The following TARS2 variants were observed in gnomAD, a reference collection of about 807,000 sequenced individuals.
TARS2 encodes threonine--tRNA ligase, mitochondrial.
A neutral mutation model predicts 94.4 loss-of-function variants in TARS2; 61 were observed. The observed-to-expected ratio is 0.65, with a 90% CI of 0.53 to 0.80. The LOEUF is 0.80. TARS2 is among the 30% of genes least tolerant of loss of function. TARS2 has a pLI of 0.00. For synonymous variants in TARS2, 359 were observed against 353.4 expected, an observed-to-expected ratio of 1.02 and a Z score of -0.18; for missense variants, 704 against 902.5, an observed-to-expected ratio of 0.78 and a Z score of 2.82.
rs1669793728 is a variant in TARS2, at chr1:150,499,010, T to TGG, written c.1515_1516insGG (p.Cys506GlyfsTer15). 1.2e-6 allele frequency: 2 copies of TGG among 1,614,034 alleles called. No homozygotes were observed. The highest frequency in any genetic ancestry group is 2.7e-5 in the African/African-American group (2 of 74,922). On this transcript the variant is annotated frameshift_variant, in exon 12 of 18. Transcript: ENST00000369064. LOFTEE classifies it high-confidence loss of function. ...GGCCATCTGGCTTCCTGGGGGACCC[T>TGG]TGCCTTTGGGACCAGGCCGAACAGG...
chr1:150,503,585 A>ATTTG (rs1461714331), intron 13 of TARS2, among the ~76,000 whole-genome samples: 1 of 137,110 alleles, frequency 7.3e-6, no homozygotes, highest in African/African-American at 2.9e-5. Context: ...GTGTATATAT[A>ATTTG]TGTGTGTGTG....
chr1:150,507,128 C>A lies in TARS2; in HGVS notation c.*64C>A. On this transcript the variant is annotated 3_prime_UTR_variant, in exon 18 of 18. Transcript: ENST00000369064. ...ATCAGCCTCCCTCACATGGGAGACCCCAACCCAGCTGACAATGTGGAGCCC... is the reference window on the plus strand; with the variant it reads ...ATCAGCCTCCCTCACATGGGAGACCACAACCCAGCTGACAATGTGGAGCCC... The A allele has an allele frequency of 6.3e-7, 1 of 1,595,066 alleles. No homozygotes were observed. The highest frequency in any genetic ancestry group is 8.6e-7 in the Non-Finnish European group (1 of 1,168,918).
rs1670268736 is a variant in TARS2, at chr1:150,507,202, A to G, written c.*138A>G. 3.2e-6 allele frequency: 4 copies of G among 1,241,770 alleles called. No homozygotes were observed. Among genetic ancestry groups the G allele is most frequent in the East Asian group, 2.5e-5 (1 of 39,260 alleles). 76.9% of individuals were successfully genotyped at this position (1,241,770 alleles called of 1,614,324 possible). On this transcript the variant is annotated 3_prime_UTR_variant, in exon 18 of 18. Transcript: ENST00000369064. ...GGCACATGTCTGCTCTCCTGAAAAG[A>G]GACTTGGTTTGGGGACCCCACAAAA...
chr1:150,494,530 A>G (rs1298135777), intron 7 of TARS2, among the ~76,000 whole-genome samples: 1 of 151,892 alleles, frequency 6.6e-6, no homozygotes, highest in Admixed American at 6.6e-5. Flanking sequence ...ACTTGAGCTC[A>G]GGAGTTCAAG....
chr1:150,507,386 G>A lies in TARS2; in HGVS notation c.*322G>A, dbSNP rs886613210. ...AGATCAAGACCACCCTGGCTAACAC[G>A]GTGAAACCCTGTCTCTACTAAAAAT... On this transcript the variant is annotated 3_prime_UTR_variant, in exon 18 of 18. Transcript: ENST00000369064. 1.0e-5 allele frequency: 2 copies of A among 200,470 alleles called. No individual in the cohort carries two copies. The highest frequency in any genetic ancestry group is 2.0e-5 in the Non-Finnish European group (2 of 98,082). 12.4% of individuals were successfully genotyped at this position (200,470 alleles called of 1,614,324 possible).
At chr1:150,500,797 C>G (rs1422799785) in intron 13 of TARS2, among the ~76,000 whole-genome samples, 1 of 152,100 alleles carries the variant, frequency 6.6e-6, no homozygotes, top group Non-Finnish European at 1.5e-5. Flanking sequence ...GCACTCCAGC[C>G]TGGGCGACAG....
intron 3 of TARS2, chr1:150,489,322 GA>G: frequency 1.9e-6 from 1 of 526,316 alleles, no homozygotes; most frequent in Non-Finnish European, 3.4e-6. Context: ...ATGATATGTT[GA>G]AAAAACGAAA....
In TARS2 at chr1:150,507,484, G is replaced by A. The variant is rs374573560; in HGVS notation, c.*420G>A. The A allele has an allele frequency of 1.4e-4, 23 of 159,122 alleles. No homozygotes were observed. The highest frequency in any genetic ancestry group is 2.5e-4 in the Non-Finnish European group (18 of 72,178). The allele number at this position is 159,122 out of a possible 1,614,324, so 9.9% of individuals were successfully genotyped here. ...CTCAGGAGGCTGAGGCAGGAGAATC[G>A]CTTGAACCCGGGAGGTAGAGGTTGC... On this transcript the variant is annotated 3_prime_UTR_variant, in exon 18 of 18. Coordinates refer to ENST00000369064, the MANE Select transcript of TARS2 (RefSeq NM_025150.5).
At chr1:150,495,368 C>T (rs1669616630) in intron 7 of TARS2, among the ~76,000 whole-genome samples, 3 of 151,526 alleles carry the variant, frequency 2.0e-5, no homozygotes, top group South Asian at 4.2e-4. Context: ...GACTGTTTCT[C>T]ATTAGTACTG....
At chr1:150,499,091 G>A (rs1412260579) in intron 12 of TARS2, 57 bp downstream of exon 12, 5 of 1,613,210 alleles carry the variant, frequency 3.1e-6, no homozygotes, top group African/African-American at 2.7e-5. Flanking sequence ...GGGAAGGAGT[G>A]GAGAATACAG....
rs587773836 is a variant in TARS2, at chr1:150,498,452, C to T, written c.1239-50C>T. 1.3e-4 allele frequency: 189 copies of T among 1,510,666 alleles called. 1 individual carries two copies. The South Asian group carries it at 1.9e-3, about 15-fold the overall frequency. The allele number at this position is 1,510,666 out of a possible 1,614,324, so 93.6% of individuals were successfully genotyped here. On this transcript the variant is annotated intron_variant, in intron 10 of 17. Transcript: ENST00000369064. ...GCAGATTGGGTGGAGGAGCAGTCTT[C>T]GGGGGCTAGTCCTCCCTATGGCCCT...
chr1:150,496,782 G>A lies in TARS2; in HGVS notation c.922-28G>A, dbSNP rs762049862. On this transcript the variant is annotated intron_variant, in intron 8 of 17. Transcript: ENST00000369064. ...AAAGCCACCTCCTTGCCCTTGAGGTGACCCAATATTGCTATTCCTGACCCC... is the reference window on the plus strand; with the variant it reads ...AAAGCCACCTCCTTGCCCTTGAGGTAACCCAATATTGCTATTCCTGACCCC... The A allele has an allele frequency of 1.6e-5, 25 of 1,612,648 alleles. No homozygotes were observed. The Admixed American group carries it at 2.0e-4, about 13-fold the overall frequency.
intron 6 of TARS2, chr1:150,492,200 G>A (rs1179373061): frequency 1.4e-5 from 7 of 500,080 alleles, no homozygotes; most frequent in Admixed American, 6.6e-5. Flanking sequence ...TCCTGACCAC[G>A]TGATCCACCC....
At chr1:150,492,028 G>A (rs185281807) in intron 6 of TARS2, 334 of 258,844 alleles carry the variant, frequency 1.3e-3, no homozygotes, top group African/African-American at 7.3e-3. Flanking sequence ...ATGCAGTGGC[G>A]CGATCTCGGC....
At chr1:150,489,318 T>C in intron 3 of TARS2, 1 of 556,760 alleles carries the variant, frequency 1.8e-6, no homozygotes, top group South Asian at 2.0e-5. Flanking sequence ...AGAGATGATA[T>C]GTTGAAAAAA....
chr1:150,501,302 A>T lies in TARS2; in HGVS notation c.1617+2009A>T, dbSNP rs4970974. On this transcript the variant is annotated intron_variant, in intron 13 of 17. Transcript: ENST00000369064. ...TAAGACCTCGTCTCTACAAAAAAAAATTTTTTTTTTTTTTTTTTTTTTTTT... is the reference window on the plus strand; with the variant it reads ...TAAGACCTCGTCTCTACAAAAAAAATTTTTTTTTTTTTTTTTTTTTTTTTT... 1.6e-3 allele frequency among the ~76,000 whole-genome samples: 52 copies of T among 32,096 alleles called. 1 individual carries two copies. The highest frequency in any genetic ancestry group is 3.1e-3 in the Admixed American group (11 of 3,504). The allele number at this position is 32,096 out of a possible 152,430, so 21.1% of individuals were successfully genotyped here.
Position 150,507,127 on chromosome 1 carries a change from C to T in TARS2, c.*63C>T. 6.3e-7 allele frequency: 1 copy of T among 1,594,704 alleles called. No individual in the cohort carries two copies. On this transcript the variant is annotated 3_prime_UTR_variant, in exon 18 of 18. Transcript: ENST00000369064. Reference sequence around the variant, plus strand: ...CATCAGCCTCCCTCACATGGGAGACCCCAACCCAGCTGACAATGTGGAGCC... The same window carrying T: ...CATCAGCCTCCCTCACATGGGAGACTCCAACCCAGCTGACAATGTGGAGCC...
At chr1:150,490,207 C>G (rs1669322564) in intron 3 of TARS2, among the ~76,000 whole-genome samples, 1 of 145,368 alleles carries the variant, frequency 6.9e-6, no homozygotes, top group Non-Finnish European at 1.5e-5. Flanking sequence ...CAACTTCCAC[C>G]TCCCGGGTTC....
Position 150,497,675 on chromosome 1 carries a change from C to T in TARS2, c.1166C>T (p.Ser389Phe), listed in dbSNP as rs1669725789. 5 of 1,614,150 alleles carry T rather than the reference C, an allele frequency of 3.1e-6. No individual in the cohort carries two copies. The South Asian group carries it at 4.4e-5, about 14-fold the overall frequency. Residue 389 changes from serine to phenylalanine, a missense_variant, in exon 10 of 18, where the codon TCC becomes TTC. Transcript: ENST00000369064. ...QPPGSDRPPS[S>F]QSDDSTRHIT... ...CCAGGCTCTGACAGGCCTCCCAGCTCCCAGAGTGACGATTCTACCAGGCAT... is the reference window on the plus strand; with the variant it reads ...CCAGGCTCTGACAGGCCTCCCAGCTTCCAGAGTGACGATTCTACCAGGCAT...
Sources: allele counts gnomAD v4.1 joint callset (sites outside exome capture counted in the v4.1 genomes callset), GRCh38; gene constraint gnomAD v4.1.1; transcripts MANE v1.5; gene names NCBI Gene and HGNC (gene_info 2026-07-23, HGNC 2026-07-21).